The following B4GALT1 variants were observed in gnomAD, a reference collection of about 807,000 sequenced individuals.
The protein encoded by B4GALT1 is beta-1,4-galactosyltransferase 1, also known as N-acetyllactosamine synthase.
In B4GALT1, 16 loss-of-function variants were observed where a neutral mutation model predicts 34.9. The observed-to-expected ratio is 0.46, with a 90% CI of 0.31 to 0.70. The LOEUF (loss-of-function observed/expected upper bound fraction) is 0.70, where lower values mean the gene tolerates loss of function less well. B4GALT1 is among the 30% of genes least tolerant of loss of function. The pLI is 0.05. For missense variants in B4GALT1, 445 were observed against 530.5 expected (o/e 0.84, Z 1.58); for synonymous variants, 221 against 218.1 (o/e 1.01, Z -0.12).
At chr9:33,119,029 T>C (rs549460658) in intron 3 of B4GALT1, among the ~76,000 whole-genome samples, 3 of 152,150 alleles carry the variant, frequency 2.0e-5, no homozygotes, top group Admixed American at 2.0e-4. Flanking sequence ...ACCTGGCTAA[T>C]TTTTGTATTT....
At chr9:33,143,246 C>G (rs564801752) in intron 1 of B4GALT1, among the ~76,000 whole-genome samples, 11 of 152,182 alleles carry the variant, frequency 7.2e-5, no homozygotes, top group African/African-American at 2.2e-4. Flanking sequence ...CAACTGGGCA[C>G]AGTGGGGCCA....
chr9:33,111,608 C>T lies in B4GALT1; in HGVS notation c.*1846G>A. The T allele has an allele frequency of 6.5e-6, 1 of 152,794 alleles. No homozygotes were observed. Among genetic ancestry groups the T allele is most frequent in the Non-Finnish European group, 1.5e-5 (1 of 68,054 alleles). 9.5% of individuals were successfully genotyped at this position (152,794 alleles called of 1,614,324 possible). On this transcript the variant is annotated 3_prime_UTR_variant, in exon 6 of 6. Coordinates refer to ENST00000379731, the MANE Select transcript of B4GALT1 (RefSeq NM_001497.4). ...TCTGAGATGCGCAAAGCAGTAAAGG[C>T]ACAGATAAGACTGGGGCCAGGCACC...
At chr9:33,168,687 TTGCTGAAGGCCCCAGCCATAG>T (rs1349185197), upstream of B4GALT1, among the ~76,000 whole-genome samples, 2 of 152,256 alleles carry the variant, frequency 1.3e-5, no homozygotes, top group East Asian at 3.8e-4. Context: ...TCTTCCCCAG[TTGCTGAAGGCCCCAGCCATAG>T]TCCATGATGT....
intron 2 of B4GALT1, among the ~76,000 whole-genome samples, chr9:33,123,898 G>C (rs1053786158): frequency 3.3e-5 from 5 of 152,142 alleles, no homozygotes; most frequent in Non-Finnish European, 7.3e-5. Flanking sequence ...ATGCCCCAGT[G>C]TCCGGCCCAG....
intron 1 of B4GALT1, among the ~76,000 whole-genome samples, chr9:33,160,710 G>C (rs1332462960): frequency 6.6e-6 from 1 of 152,020 alleles, no homozygotes; most frequent in Admixed American, 6.6e-5. Flanking sequence ...AGGCTGCAGT[G>C]AGCCGTGATC....
At chr9:33,167,769 G>A (rs1052209023), upstream of B4GALT1, among the ~76,000 whole-genome samples, 3 of 152,218 alleles carry the variant, frequency 2.0e-5, no homozygotes, top group Non-Finnish European at 4.4e-5. Flanking sequence ...CCGCGGCGGC[G>A]TTCTGGCCAG....
intron 2 of B4GALT1, among the ~76,000 whole-genome samples, chr9:33,129,800 A>G (rs184189474): frequency 1.3e-5 from 2 of 152,250 alleles, no homozygotes; most frequent in Admixed American, 1.3e-4. Context: ...ATAGCCAGAG[A>G]CACACTAGGA....
At chr9:33,179,832 T>C in the B4GALT1 span, 2 of 152,288 alleles carry the variant, frequency 1.3e-5, no homozygotes, top group African/African-American at 4.8e-5. Flanking sequence ...CATTTTCAAC[T>C]TACAATATTT....
Position 33,111,518 on chromosome 9 carries a change from G to A in B4GALT1, c.*1936C>T, listed in dbSNP as rs916545028. The A allele has an allele frequency of 6.6e-6, 1 of 152,578 alleles. No homozygotes were observed. The highest frequency in any genetic ancestry group is 2.4e-5 in the African/African-American group (1 of 41,438). The allele number at this position is 152,578 out of a possible 1,614,324, so 9.5% of individuals were successfully genotyped here. On this transcript the variant is annotated 3_prime_UTR_variant, in exon 6 of 6. Coordinates refer to ENST00000379731, the MANE Select transcript of B4GALT1 (RefSeq NM_001497.4). The stretch of plus-strand genomic sequence containing the variant: ...GAAATACTTTTTGCATAGTCCAGCT[G>A]CTTCTGCAATGGAAAATAATTTTTA...
chr9:33,126,340 A>G (rs894207202), intron 2 of B4GALT1, among the ~76,000 whole-genome samples: 2 of 152,194 alleles, frequency 1.3e-5, no homozygotes, highest in Admixed American at 1.3e-4. Context: ...CCAGAGAATT[A>G]CTGGAAACAG....
intron 2 of B4GALT1, among the ~76,000 whole-genome samples, chr9:33,123,001 G>A (rs918751177): frequency 2.0e-4 from 31 of 152,146 alleles, no homozygotes; most frequent in African/African-American, 6.5e-4. Flanking sequence ...AAAAATTGCC[G>A]GGCACAGTGG....
chr9:33,173,035 G>A, the B4GALT1 span, among the ~76,000 whole-genome samples: 1 of 152,158 alleles, frequency 6.6e-6, no homozygotes, highest in Non-Finnish European at 1.5e-5. Context: ...CTCCTGTGAA[G>A]TAGGGCAACC....
intron 2 of B4GALT1, among the ~76,000 whole-genome samples, chr9:33,125,552 G>T (rs569701814): frequency 6.6e-6 from 1 of 152,308 alleles, no homozygotes; most frequent in African/African-American, 2.4e-5. Context: ...TAAGCAGACA[G>T]TGCCTCCCCC....
At chr9:33,157,859 C>T (rs1587749771) in intron 1 of B4GALT1, among the ~76,000 whole-genome samples, 1 of 152,152 alleles carries the variant, frequency 6.6e-6, no homozygotes, top group African/African-American at 2.4e-5. Context: ...ACCTGTATTT[C>T]ATAACATCTA....
intron 1 of B4GALT1, among the ~76,000 whole-genome samples, chr9:33,145,247 T>C (rs1285883875): frequency 1.3e-5 from 2 of 152,192 alleles, no homozygotes; most frequent in African/African-American, 2.4e-5. Flanking sequence ...CTCCAGGCTC[T>C]AGGCCTAGCA....
intron 1 of B4GALT1, among the ~76,000 whole-genome samples, chr9:33,150,233 TACACACACACACACACACAC>T (rs10701535): frequency 7.2e-6 from 1 of 138,132 alleles, no homozygotes; most frequent in Admixed American, 7.4e-5. Context: ...TACAGGTAGA[TACACACACACACACACACAC>T]ACACACACAC....
chr9:33,151,846 A>G (rs935644843), intron 1 of B4GALT1, among the ~76,000 whole-genome samples: 1 of 152,212 alleles, frequency 6.6e-6, no homozygotes, highest in Non-Finnish European at 1.5e-5. Flanking sequence ...GCAGCATGAG[A>G]GTTGAACAGA....
rs529986239 is a variant in B4GALT1 at position 33,127,802 on chromosome 9, C to T, written c.649-7196G>A. ...AAAGCAGGATACAAAAGTTTATACA[C>T]ACACAGCATGAGCTCAACTGTGGTT... is the stretch of plus-strand genomic sequence containing the variant. On this transcript the variant is annotated intron_variant, in intron 2 of 5. Transcript: ENST00000379731. Among the ~76,000 whole-genome samples the T allele has an allele frequency of 5.9e-5, 9 of 152,376 alleles. No individual in the cohort carries two copies. In the South Asian group the frequency reaches 1.7e-3, roughly 28 times the overall value.
chr9:33,144,778 T>C (rs1368077484), intron 1 of B4GALT1, among the ~76,000 whole-genome samples: 1 of 152,130 alleles, frequency 6.6e-6, no homozygotes, highest in African/African-American at 2.4e-5. Flanking sequence ...GAGGCACCAG[T>C]CGACCTGCCT....
Sources: gnomAD v4.1 joint callset for allele counts (sites outside exome capture counted in the v4.1 genomes callset) on GRCh38, gnomAD v4.1.1 for gene constraint, MANE v1.5 for transcripts, NCBI Gene and HGNC (gene_info 2026-07-23, HGNC 2026-07-21) for gene names.